Variants in PBX3 observed in about 807,000 individuals in gnomAD.
PBX3 encodes pre-B-cell leukemia transcription factor 3.
A neutral mutation model predicts 48.5 loss-of-function variants in PBX3; 14 were observed. The ratio of observed to expected loss-of-function variants is 0.29; its 90% CI spans 0.19 to 0.45. PBX3 has a LOEUF of 0.45. Among genes scored for constraint, PBX3 ranks in the 20% least tolerant of loss-of-function variants. The pLI, the probability that PBX3 is intolerant of heterozygous loss-of-function variation, is 1.00. For missense variants in PBX3, 386 were observed against 546.7 expected, an observed-to-expected ratio of 0.71 and a Z score of 2.93; for synonymous variants, 210 against 200.3, an observed-to-expected ratio of 1.05 and a Z score of -0.41.
chr9:125,773,715 C>T (rs1329482942), intron 2 of PBX3, among the ~76,000 whole-genome samples: 6 of 152,098 alleles, frequency 3.9e-5, no homozygotes, highest in East Asian at 3.9e-4. Flanking sequence ...AGTAGAACTG[C>T]GGGGTCGTAG....
In PBX3 at chr9:125,911,647, T is replaced by C. The variant is rs191138879; in HGVS notation, c.275-4039T>C. Among the ~76,000 whole-genome samples, 10 of 152,246 alleles carry C rather than the reference T, an allele frequency of 6.6e-5. No individual in the cohort carries two copies. The East Asian group carries it at 1.9e-3, about 29-fold the overall frequency. ...ATTTTTCTCTGAGCTAAGACTGTGGTGTGGTAGTTGAATGAATCAAAAAAC... is the reference window on the plus strand; with the variant it reads ...ATTTTTCTCTGAGCTAAGACTGTGGCGTGGTAGTTGAATGAATCAAAAAAC... On this transcript the variant is annotated intron_variant, in intron 2 of 8. Transcript: ENST00000373489.
intron 3 of PBX3, among the ~76,000 whole-genome samples, chr9:125,921,161 T>C (rs997903451): frequency 6.6e-6 from 1 of 152,236 alleles, no homozygotes; most frequent in Non-Finnish European, 1.5e-5. Context: ...GTTTTATTTC[T>C]TGTTGGCTTT....
At chr9:125,851,334 A>G (rs1839570715) in intron 2 of PBX3, among the ~76,000 whole-genome samples, 1 of 152,116 alleles carries the variant, frequency 6.6e-6, no homozygotes, top group African/African-American at 2.4e-5. Context: ...AATCAACATT[A>G]TATCTTTGCC....
intron 5 of PBX3, chr9:125,949,524 C>T (rs911193985): frequency 1.9e-5 from 28 of 1,504,976 alleles, no homozygotes; most frequent in Non-Finnish European, 2.3e-5. Flanking sequence ...TGGACCTATA[C>T]TGTGTATATA....
At chr9:125,911,560 G>T (rs975841787) in intron 2 of PBX3, among the ~76,000 whole-genome samples, 1 of 152,104 alleles carries the variant, frequency 6.6e-6, no homozygotes, top group African/African-American at 2.4e-5. Context: ...AAGCAGTCAA[G>T]AATTCAGGGC....
chr9:125,784,009 AAAAC>A (rs1433164297), intron 2 of PBX3, among the ~76,000 whole-genome samples: 5 of 152,254 alleles, frequency 3.3e-5, no homozygotes, highest in African/African-American at 7.2e-5. Context: ...TCAAAAGAAA[AAAAC>A]AAACAAAAAC....
chr9:125,790,915 A>T (rs1457514997), intron 2 of PBX3, among the ~76,000 whole-genome samples: 32 of 133,946 alleles, frequency 2.4e-4, no homozygotes, highest in African/African-American at 8.3e-4. Flanking sequence ...TTACCCTAAT[A>T]TTTTTTTTTT....
At chr9:125,918,603 G>A (rs1841386584) in intron 3 of PBX3, among the ~76,000 whole-genome samples, 1 of 152,010 alleles carries the variant, frequency 6.6e-6, no homozygotes. Context: ...GAAAAATATA[G>A]ATATATAAAA....
Position 125,963,049 on chromosome 9 carries a change from G to A in PBX3, c.1160G>A (p.Gly387Asp), listed in dbSNP as rs1292801224. 1 of 1,610,464 alleles carries A rather than the reference G, an allele frequency of 6.2e-7. No homozygotes were observed. The highest frequency in any genetic ancestry group is 8.5e-7 in the Non-Finnish European group (1 of 1,177,298). ...TLRHVINQTG[G>D]YSDGLGGNSL... ...CGTCATGTTATCAATCAGACGGGAG[G>A]CTACAGTGATGGCCTTGGAGGAAAT... Residue 387 changes from glycine to aspartate, a missense_variant, in exon 8 of 9, where the codon GGC (glycine) becomes GAC (aspartate). This residue lies in a region of PBX3 where 127 missense variants were observed against 143.3 expected (regional missense o/e 0.89). Coordinates refer to ENST00000373489, the MANE Select transcript of PBX3 (RefSeq NM_006195.6).
chr9:125,958,620 G>A (rs1020839754), intron 5 of PBX3, among the ~76,000 whole-genome samples: 1 of 152,192 alleles, frequency 6.6e-6, no homozygotes, highest in African/African-American at 2.4e-5. Flanking sequence ...CCACATCTCT[G>A]GAGATGGAGA....
chr9:125,843,050 T>TA (rs1839329249), intron 2 of PBX3, among the ~76,000 whole-genome samples: 1 of 151,288 alleles, frequency 6.6e-6, no homozygotes, highest in African/African-American at 2.5e-5. Context: ...AGGGCTTGAT[T>TA]GACTTACTTG....
At chr9:125,895,829 C>T (rs1269629763) in intron 2 of PBX3, among the ~76,000 whole-genome samples, 1 of 151,942 alleles carries the variant, frequency 6.6e-6, no homozygotes, top group Non-Finnish European at 1.5e-5. Context: ...GTGTTTCTTC[C>T]ATGTCTGTGT....
rs115912801 is a variant in PBX3, at chr9:125,837,949, G to T, written c.275-77737G>T. ...TTTCAAAAGATAGCAACCAAAGAGTGCATTCTAGGTTTGTACTACCCTGTT... is the reference window on the plus strand; with the variant it reads ...TTTCAAAAGATAGCAACCAAAGAGTTCATTCTAGGTTTGTACTACCCTGTT... On this transcript the variant is annotated intron_variant, in intron 2 of 8. Coordinates refer to ENST00000373489, the MANE Select transcript of PBX3 (RefSeq NM_006195.6). Among the ~76,000 whole-genome samples, 781 of 152,306 alleles carry T rather than the reference G, an allele frequency of 5.1e-3. 9 individuals carry two copies. Among genetic ancestry groups the T allele is most frequent in the African/African-American group, 0.018 (763 of 41,566 alleles).
At chr9:125,807,613 C>T (rs969407498) in intron 2 of PBX3, among the ~76,000 whole-genome samples, 2 of 152,168 alleles carry the variant, frequency 1.3e-5, no homozygotes, top group Non-Finnish European at 2.9e-5. Context: ...ATGTAACCTA[C>T]CTCATAGGGC....
intron 2 of PBX3, among the ~76,000 whole-genome samples, chr9:125,833,533 C>T (rs1032411793): frequency 9.2e-5 from 14 of 152,038 alleles, no homozygotes; most frequent in East Asian, 3.9e-4. Context: ...ATAATACCAC[C>T]GTAAATTTTA....
At chr9:125,819,926 T>C (rs1480890632) in intron 2 of PBX3, among the ~76,000 whole-genome samples, 2 of 152,238 alleles carry the variant, frequency 1.3e-5, no homozygotes, top group Non-Finnish European at 2.9e-5. Context: ...GTATTTCCCA[T>C]GTAAATTTTA....
intron 2 of PBX3, among the ~76,000 whole-genome samples, chr9:125,814,734 C>A (rs992673797): frequency 1.3e-5 from 2 of 152,192 alleles, no homozygotes; most frequent in African/African-American, 4.8e-5. Flanking sequence ...TACTTCTCCA[C>A]AGAGGCACAG....
At chr9:125,777,293 G>C (rs1007241924) in intron 2 of PBX3, among the ~76,000 whole-genome samples, 5 of 151,936 alleles carry the variant, frequency 3.3e-5, no homozygotes, top group Non-Finnish European at 5.9e-5. Flanking sequence ...GATTACAAGT[G>C]TGAGCCGCTG....
intron 6 of PBX3, 147 bp downstream of exon 6, chr9:125,960,996 G>T: frequency 1.2e-6 from 1 of 819,376 alleles, no homozygotes; most frequent in South Asian, 2.0e-5. Context: ...TTGTTCTTGA[G>T]ATGGGTGAAT....
Sources: gnomAD v4.1 joint callset for allele counts (sites outside exome capture counted in the v4.1 genomes callset) on GRCh38, gnomAD v4.1.1 for gene constraint, gnomAD v4.1.1 regional missense constraint, MANE v1.5 for transcripts, NCBI Gene and HGNC (gene_info 2026-07-23, HGNC 2026-07-21) for gene names.